ZMAT4: variants seen among roughly 807,000 people sequenced by gnomAD.
ZMAT4 encodes the protein zinc finger matrin-type 4, also known as zinc finger matrin-type protein 4.
ZMAT4 carries 17 observed loss-of-function variants against 28.7 expected under a neutral mutation model. The observed-to-expected ratio is 0.59, with a 90% CI of 0.41 to 0.89. The LOEUF (loss-of-function observed/expected upper bound fraction) is 0.89, where lower values mean the gene tolerates loss of function less well. Among genes scored for constraint, ZMAT4 ranks in the 40% least tolerant of loss-of-function variants. ZMAT4 has a pLI of 0.00. For synonymous variants in ZMAT4, 117 were observed against 109.2 expected, an observed-to-expected ratio of 1.07 and a Z score of -0.44; for missense variants, 240 against 283.8, an observed-to-expected ratio of 0.85 and a Z score of 1.11.
chr8:40,687,878 AAGAATTCACGGGT>A (rs1283771846), intron 4 of ZMAT4, among the ~76,000 whole-genome samples: 3 of 152,222 alleles, frequency 2.0e-5, no homozygotes, highest in Admixed American at 1.3e-4. Flanking sequence ...TAATCACAGC[AAGAATTCACGGGT>A]AGGCCTTCAA....
chr8:40,719,984 G>A (rs1811011541), intron 3 of ZMAT4, among the ~76,000 whole-genome samples: 1 of 152,158 alleles, frequency 6.6e-6, no homozygotes, highest in Non-Finnish European at 1.5e-5. Context: ...GTTAAGATCT[G>A]TAGACAATTC....
rs933912735 is a variant in ZMAT4, at chr8:40,761,856, T to G, written c.192+5785A>C. Among the ~76,000 whole-genome samples, 6 of 152,230 alleles carry G rather than the reference T, an allele frequency of 3.9e-5. No individual in the cohort carries two copies. In the South Asian group the frequency reaches 1.2e-3, roughly 32 times the overall value. ...AAACATGACTTTATCTTGAGTCCCT[T>G]AACAACTCTGAGAGACAGTCAGGAC... On this transcript the variant is annotated intron_variant, in intron 3 of 6. Coordinates refer to ENST00000297737, the MANE Select transcript of ZMAT4 (RefSeq NM_024645.3).
At chr8:40,606,506 C>G (rs1805584421) in intron 5 of ZMAT4, among the ~76,000 whole-genome samples, 1 of 152,104 alleles carries the variant, frequency 6.6e-6, no homozygotes, top group South Asian at 2.1e-4. Context: ...AAGATAGGAC[C>G]CCAGTGCCTT....
At chr8:40,767,796 C>A in intron 2 of ZMAT4, 66 bp from the exon 3 acceptor site, 1 of 1,321,534 alleles carries the variant, frequency 7.6e-7, no homozygotes. Context: ...TGAAACCTAG[C>A]CAGTGCCCGC....
At chr8:40,625,439 G>C (rs1806338178) in intron 5 of ZMAT4, among the ~76,000 whole-genome samples, 1 of 152,150 alleles carries the variant, frequency 6.6e-6, no homozygotes, top group South Asian at 2.1e-4. Context: ...TGTGGCCACA[G>C]TCAGGGAGAA....
intron 1 of ZMAT4, among the ~76,000 whole-genome samples, chr8:40,851,092 C>G (rs539929796): frequency 6.6e-6 from 1 of 152,058 alleles, no homozygotes; most frequent in East Asian, 1.9e-4. Context: ...TTTGGGAGAC[C>G]GCGGTAGGCA....
At chr8:40,850,175 C>T (rs1305357053) in intron 1 of ZMAT4, among the ~76,000 whole-genome samples, 2 of 152,096 alleles carry the variant, frequency 1.3e-5, no homozygotes, top group South Asian at 2.1e-4. Context: ...ATTCTTCATG[C>T]GGTCAATCAG....
chr8:40,572,153 C>T lies in ZMAT4; in HGVS notation c.674+9012G>A, dbSNP rs542475462. ...CAAAAGTGTCTTATTTATTACTGTG[C>T]GACCCTCAGCTAACTAACTAGTATG... On this transcript the variant is annotated intron_variant, in intron 6 of 6. Transcript: ENST00000297737. Among the ~76,000 whole-genome samples the T allele has an allele frequency of 9.2e-5, 14 of 152,054 alleles. No individual in the cohort carries two copies. In the East Asian group the frequency reaches 1.9e-3, roughly 21 times the overall value.
intron 5 of ZMAT4, among the ~76,000 whole-genome samples, chr8:40,660,306 T>G (rs1344279133): frequency 9.9e-5 from 15 of 152,210 alleles, no homozygotes; most frequent in Non-Finnish European, 7.3e-5. Flanking sequence ...TAAGTTGAAG[T>G]GGCTTTTTCA....
rs142815800 is a variant in ZMAT4, at chr8:40,567,594, G to T, written c.674+13571C>A. Among the ~76,000 whole-genome samples the T allele has an allele frequency of 3.7e-3, 563 of 151,950 alleles. 3 individuals carry two copies. The highest frequency in any genetic ancestry group is 0.013 in the African/African-American group (530 of 41,416). On this transcript the variant is annotated intron_variant, in intron 6 of 6. Transcript: ENST00000297737. ...AAAAATACAAAAATTAGCTACTCCAGAGGCTGAGGCAGGGGAATCACTTGA... is the reference window on the plus strand; with the variant it reads ...AAAAATACAAAAATTAGCTACTCCATAGGCTGAGGCAGGGGAATCACTTGA...
intron 5 of ZMAT4, among the ~76,000 whole-genome samples, chr8:40,646,069 A>C (rs918327541): frequency 6.6e-6 from 1 of 152,010 alleles, no homozygotes; most frequent in Non-Finnish European, 1.5e-5. Context: ...TATATATTAT[A>C]AACCATTAAT....
chr8:40,623,791 C>T (rs1806281307), intron 5 of ZMAT4, among the ~76,000 whole-genome samples: 1 of 152,182 alleles, frequency 6.6e-6, no homozygotes, highest in South Asian at 2.1e-4. Context: ...TAAAGGATCC[C>T]TTCCTTCTCC....
At position 40,819,714 on chromosome 8, in the gene ZMAT4, ACTGGGCTGGTG is replaced by A. The variant is rs1312936991; in HGVS notation, c.102+5850_102+5860del. ...TAGGGTTCACAGGAAGGGACAAGCA[ACTGGGCTGGTG>A]CATGTATGGCTGGCTTGATGGGATC... On this transcript the variant is annotated intron_variant, in intron 2 of 6. Coordinates refer to ENST00000297737, the MANE Select transcript of ZMAT4 (RefSeq NM_024645.3). Among the ~76,000 whole-genome samples the A allele has an allele frequency of 3.4e-4, 51 of 152,226 alleles. No individual in the cohort carries two copies. In the East Asian group the frequency reaches 4.5e-3, roughly 13 times the overall value.
At chr8:40,848,042 T>C (rs1355773619) in intron 1 of ZMAT4, among the ~76,000 whole-genome samples, 1 of 152,146 alleles carries the variant, frequency 6.6e-6, no homozygotes, top group Non-Finnish European at 1.5e-5. Context: ...TGAGGAGCGG[T>C]TTATCTGCTG....
intron 5 of ZMAT4, among the ~76,000 whole-genome samples, chr8:40,643,811 G>T (rs1369294604): frequency 2.0e-5 from 3 of 146,992 alleles, no homozygotes; most frequent in African/African-American, 7.4e-5. Context: ...AAGGAGTAAG[G>T]TCAGTGTTCC....
At chr8:40,550,721 C>T (rs1477635175) in intron 6 of ZMAT4, among the ~76,000 whole-genome samples, 5 of 152,116 alleles carry the variant, frequency 3.3e-5, no homozygotes, top group African/African-American at 1.2e-4. Flanking sequence ...GTGCCTGCTT[C>T]CCCTTTGCCT....
At position 40,599,905 on chromosome 8, in the gene ZMAT4, C is replaced by T. The variant is rs112111460; in HGVS notation, c.578-18644G>A. Among the ~76,000 whole-genome samples, 109 of 152,314 alleles carry T rather than the reference C, an allele frequency of 7.2e-4. 1 individual carries two copies. The highest frequency in any genetic ancestry group is 2.5e-3 in the African/African-American group (103 of 41,574). ...TTACCACGCACAGTGCCTGAGTCAC[C>T]CTTTGGGTTCCTTAGACTGATTATC... On this transcript the variant is annotated intron_variant, in intron 5 of 6. Coordinates refer to ENST00000297737, the MANE Select transcript of ZMAT4 (RefSeq NM_024645.3).
intron 4 of ZMAT4, among the ~76,000 whole-genome samples, chr8:40,687,449 C>T (rs571059525): frequency 9.9e-5 from 15 of 152,174 alleles, no homozygotes; most frequent in African/African-American, 2.9e-4. Context: ...TAAAGCATAC[C>T]AGCCAATGAG....
chr8:40,642,462 A>G (rs1365301755), intron 5 of ZMAT4, among the ~76,000 whole-genome samples: 27 of 152,240 alleles, frequency 1.8e-4, no homozygotes, highest in Admixed American at 1.7e-3. Flanking sequence ...AGAGAAGCCA[A>G]ATACTTCAGA....
Sources: gnomAD v4.1 joint callset for allele counts (sites outside exome capture counted in the v4.1 genomes callset) on GRCh38, gnomAD v4.1.1 for gene constraint, MANE v1.5 for transcripts, NCBI Gene and HGNC (gene_info 2026-07-23, HGNC 2026-07-21) for gene names.